The following CCDC150 variants were observed in gnomAD, a reference collection of about 807,000 sequenced individuals.
The protein encoded by CCDC150 is coiled-coil domain-containing protein 150.
CCDC150 carries 151 observed loss-of-function variants against 156.5 expected under a neutral mutation model. The ratio of observed to expected loss-of-function variants is 0.97; its 90% CI spans 0.85 to 1.10. The LOEUF (loss-of-function observed/expected upper bound fraction) is 1.10. CCDC150 is among the 50% of genes least tolerant of loss of function. The pLI is 0.00. For synonymous variants in CCDC150, 452 were observed against 429.4 expected (o/e 1.05, Z -0.65); for missense variants, 1,312 against 1,268.1 (o/e 1.03, Z -0.53).
intron 21 of CCDC150, among the ~76,000 whole-genome samples, chr2:196,725,297 T>C (rs1191020411): frequency 6.6e-6 from 1 of 152,164 alleles, no homozygotes; most frequent in East Asian, 1.9e-4. Context: ...AGTAATTGTT[T>C]AAATCCGTTT....
rs974301909 is a variant in CCDC150, at chr2:196,669,700, A to T, written c.893-133A>T. On this transcript the variant is annotated intron_variant, in intron 7 of 27. Coordinates refer to ENST00000389175, the MANE Select transcript of CCDC150 (RefSeq NM_001080539.2). The stretch of plus-strand genomic sequence containing the variant: ...ATTCCATAACAGTTTCTAGTCTATA[A>T]AAATATTATAGAAATAGTTGGGTTC... The T allele has an allele frequency of 6.4e-6, 4 of 628,894 alleles. No individual in the cohort carries two copies. In the African/African-American group the frequency reaches 7.5e-5, roughly 12 times the overall value. The allele number at this position is 628,894 out of a possible 1,614,324, so 39.0% of individuals were successfully genotyped here. A position where few individuals can be genotyped will look rare whatever the true frequency, so the allele number is the denominator to read the frequency against.
chr2:196,688,959 A>G (rs1188982982), intron 13 of CCDC150, among the ~76,000 whole-genome samples: 9 of 152,262 alleles, frequency 5.9e-5, no homozygotes, highest in Middle Eastern at 3.4e-3. Flanking sequence ...AGCTTTCTAC[A>G]TATGGCTAGC....
chr2:196,713,730 A>G (rs1348369600), intron 17 of CCDC150: 4 of 1,384,744 alleles, frequency 2.9e-6, no homozygotes, highest in South Asian at 3.9e-5. Context: ...TTAAATTTAT[A>G]CAAGAATGAA....
chr2:196,662,213 A>G (rs1693599389), intron 5 of CCDC150, among the ~76,000 whole-genome samples: 1 of 152,240 alleles, frequency 6.6e-6, no homozygotes, highest in African/African-American at 2.4e-5. Context: ...TTAACTTATC[A>G]TTGGATAAGT....
chr2:196,716,300 T>C (rs1393771395), intron 17 of CCDC150, among the ~76,000 whole-genome samples: 2 of 152,208 alleles, frequency 1.3e-5, no homozygotes, highest in Non-Finnish European at 1.5e-5. Context: ...CCACACAGAC[T>C]TGTACACAGG....
At chr2:196,654,001 T>G (rs1005885601) in intron 2 of CCDC150, among the ~76,000 whole-genome samples, 3 of 151,960 alleles carry the variant, frequency 2.0e-5, no homozygotes, top group African/African-American at 7.3e-5. Context: ...AGAGAGGAAG[T>G]GAGAGAAAGA....
rs539580776 is a variant in CCDC150 at position 196,676,386 on chromosome 2, A to C, written c.1262+119A>C. ...CATTTGATTCTGCATTTTTTGGGCCAGCCACAGAGCTAAAATAAAGACTCT... is the reference window on the plus strand; with the variant it reads ...CATTTGATTCTGCATTTTTTGGGCCCGCCACAGAGCTAAAATAAAGACTCT... On this transcript the variant is annotated intron_variant, in intron 11 of 27. Coordinates refer to ENST00000389175, the MANE Select transcript of CCDC150 (RefSeq NM_001080539.2). The C allele has an allele frequency of 1.4e-4, 194 of 1,387,402 alleles. No individual in the cohort carries two copies. In the East Asian group the frequency reaches 3.1e-3, roughly 22 times the overall value. The allele number at this position is 1,387,402 out of a possible 1,614,324, so 85.9% of individuals were successfully genotyped here.
At chr2:196,676,863 C>G in intron 12 of CCDC150, 132 bp downstream of exon 12, 1 of 755,110 alleles carries the variant, frequency 1.3e-6, no homozygotes, top group Non-Finnish European at 2.2e-6. Context: ...AGTAAAGAAT[C>G]TTTAGGTGGC....
At chr2:196,654,517 A>G (rs1246219774) in intron 2 of CCDC150, among the ~76,000 whole-genome samples, 2 of 151,494 alleles carry the variant, frequency 1.3e-5, no homozygotes, top group East Asian at 1.9e-4. Context: ...TCCACTTCAT[A>G]TAGTCTGCCA....
chr2:196,640,015 C>T (rs1209153639), intron 1 of CCDC150, among the ~76,000 whole-genome samples: 1 of 152,178 alleles, frequency 6.6e-6, no homozygotes, highest in Non-Finnish European at 1.5e-5. Flanking sequence ...AGATAGCCAC[C>T]GAAGCCTCCA....
chr2:196,684,256 T>C (rs1263663459), intron 13 of CCDC150, among the ~76,000 whole-genome samples: 1 of 152,136 alleles, frequency 6.6e-6, no homozygotes, highest in Non-Finnish European at 1.5e-5. Flanking sequence ...GTGTTTTCAT[T>C]TTTGTTTATC....
At chr2:196,715,293 G>C (rs146698289) in intron 17 of CCDC150, among the ~76,000 whole-genome samples, 14 of 152,154 alleles carry the variant, frequency 9.2e-5, no homozygotes, top group African/African-American at 2.4e-4. Flanking sequence ...TGTATCCATA[G>C]TTTTGCAATA....
At chr2:196,717,543 T>C (rs1043660103) in intron 17 of CCDC150, among the ~76,000 whole-genome samples, 11 of 152,170 alleles carry the variant, frequency 7.2e-5, no homozygotes, top group African/African-American at 2.7e-4. Flanking sequence ...TGTATGCATG[T>C]CAATTTCCTG....
intron 17 of CCDC150, chr2:196,713,236 CA>C (rs763657687): frequency 3.1e-6 from 4 of 1,287,300 alleles, no homozygotes; most frequent in Non-Finnish European, 4.1e-6. Flanking sequence ...AACACATTTT[CA>C]ATATATTTTC....
intron 15 of CCDC150, among the ~76,000 whole-genome samples, chr2:196,701,406 T>C (rs1197617890): frequency 1.3e-5 from 2 of 152,224 alleles, no homozygotes; most frequent in Non-Finnish European, 2.9e-5. Flanking sequence ...TGTGACTATT[T>C]GAAACTTTAT....
At chr2:196,690,256 T>C (rs1197847124) in intron 13 of CCDC150, among the ~76,000 whole-genome samples, 2 of 151,818 alleles carry the variant, frequency 1.3e-5, no homozygotes, top group Non-Finnish European at 2.9e-5. Context: ...GGGGGAGGGA[T>C]AGCTTTAGGA....
At chr2:196,666,608 G>A in intron 6 of CCDC150, 111 bp from the exon 7 acceptor site, 1 of 905,956 alleles carries the variant, frequency 1.1e-6, no homozygotes, top group Non-Finnish European at 1.7e-6. Context: ...CTAACTTCTT[G>A]TTGCTTCTCA....
intron 13 of CCDC150, among the ~76,000 whole-genome samples, chr2:196,684,553 C>T (rs1354285333): frequency 1.3e-5 from 2 of 151,928 alleles, no homozygotes; most frequent in East Asian, 1.9e-4. Context: ...TATAGGTGTC[C>T]GTTAGGTCTA....
At chr2:196,705,981 A>G (rs934608551) in intron 15 of CCDC150, among the ~76,000 whole-genome samples, 1 of 152,232 alleles carries the variant, frequency 6.6e-6, no homozygotes, top group Admixed American at 6.5e-5. Context: ...GAAGTCAGGT[A>G]GCATGATGCC....
Sources: allele counts gnomAD v4.1 joint callset (sites outside exome capture counted in the v4.1 genomes callset), GRCh38; gene constraint gnomAD v4.1.1; transcripts MANE v1.5; gene names NCBI Gene and HGNC (gene_info 2026-07-23, HGNC 2026-07-21).